EYA1: variants seen among roughly 807,000 people sequenced by gnomAD.
The protein encoded by EYA1 is protein phosphatase EYA1.
EYA1 carries 16 observed loss-of-function variants against 82.0 expected under a neutral mutation model. The observed-to-expected ratio is 0.20, with a 90% CI of 0.13 to 0.30. The LOEUF (loss-of-function observed/expected upper bound fraction) is 0.30, where lower values mean the gene tolerates loss of function less well. EYA1 is among the 10% of genes least tolerant of loss of function. The pLI is 1.00. For missense variants in EYA1, 633 were observed against 730.7 expected (o/e 0.87, Z 1.54); for synonymous variants, 261 against 264.4 (o/e 0.99, Z 0.12).
intron 2 of EYA1, among the ~76,000 whole-genome samples, chr8:71,394,280 A>C (rs1829453597): frequency 6.6e-6 from 1 of 152,170 alleles, no homozygotes; most frequent in Non-Finnish European, 1.5e-5. Context: ...TGCTGTGCAG[A>C]AGCTCTTTAG....
chr8:71,239,093 T>C (rs187196987), intron 12 of EYA1, among the ~76,000 whole-genome samples: 259 of 152,250 alleles, frequency 1.7e-3, no homozygotes, highest in Non-Finnish European at 1.9e-3. Context: ...ATGACAATCT[T>C]ATAAGAAATG....
intron 2 of EYA1, among the ~76,000 whole-genome samples, chr8:71,474,646 A>G (rs1425249668): frequency 6.6e-6 from 1 of 152,234 alleles, no homozygotes; most frequent in Non-Finnish European, 1.5e-5. Context: ...ATACTCTAGA[A>G]TATATAAAAT....
chr8:71,464,153 A>G (rs1808613617), intron 2 of EYA1, among the ~76,000 whole-genome samples: 1 of 152,108 alleles, frequency 6.6e-6, no homozygotes, highest in South Asian at 2.1e-4. Context: ...GCTCTCCCCG[A>G]GGACTGCATG....
chr8:71,444,818 C>T (rs1042561304), intron 2 of EYA1, among the ~76,000 whole-genome samples: 4 of 152,318 alleles, frequency 2.6e-5, no homozygotes, highest in East Asian at 1.9e-4. Flanking sequence ...GATTTCACTT[C>T]GTGGGAGGTA....
chr8:71,269,169 A>T (rs960114732), intron 11 of EYA1, among the ~76,000 whole-genome samples: 1 of 152,212 alleles, frequency 6.6e-6, no homozygotes, highest in Non-Finnish European at 1.5e-5. Flanking sequence ...GTGGTCTATA[A>T]TATTATTCTT....
chr8:71,225,771 G>C (rs1208210465), intron 12 of EYA1, among the ~76,000 whole-genome samples: 2 of 151,248 alleles, frequency 1.3e-5, no homozygotes, highest in African/African-American at 4.9e-5. Context: ...ATTTTCGAGA[G>C]GTGGCAATAA....
chr8:71,310,855 T>G (rs1821261269), intron 7 of EYA1, among the ~76,000 whole-genome samples: 1 of 152,128 alleles, frequency 6.6e-6, no homozygotes, highest in Non-Finnish European at 1.5e-5. Context: ...TTGTATATTT[T>G]AGACATAATA....
At chr8:71,339,965 T>C (rs547381130) in intron 3 of EYA1, among the ~76,000 whole-genome samples, 4 of 152,314 alleles carry the variant, frequency 2.6e-5, no homozygotes, top group Admixed American at 2.0e-4. Context: ...GGCCACACTC[T>C]ATAATTTCCA....
intron 2 of EYA1, among the ~76,000 whole-genome samples, chr8:71,421,116 T>C (rs1831125814): frequency 6.6e-6 from 1 of 152,202 alleles, no homozygotes; most frequent in Non-Finnish European, 1.5e-5. Context: ...TGGGGCTCTC[T>C]GAGCCTAGGA....
intron 12 of EYA1, among the ~76,000 whole-genome samples, chr8:71,225,631 C>T (rs1003112442): frequency 1.1e-4 from 17 of 151,876 alleles, no homozygotes; most frequent in East Asian, 1.9e-4. Flanking sequence ...TGGTGCCAAC[C>T]GATATTTTAA....
At chr8:71,241,075 T>C (rs1812430215) in intron 12 of EYA1, among the ~76,000 whole-genome samples, 1 of 152,218 alleles carries the variant, frequency 6.6e-6, no homozygotes. Flanking sequence ...AAGCCAGACG[T>C]ACACTACGGA....
chr8:71,395,889 T>C lies in EYA1; in HGVS notation c.34-39378A>G, dbSNP rs143923492. ...TGGTACCAGCTCCTGTTTGTACATGTGGTAGAATTCGGCTGTGAATCCATG... is the reference window on the plus strand; with the variant it reads ...TGGTACCAGCTCCTGTTTGTACATGCGGTAGAATTCGGCTGTGAATCCATG... On this transcript the variant is annotated intron_variant, in intron 2 of 18. Transcript: ENST00000643681. Among the ~76,000 whole-genome samples the C allele has an allele frequency of 2.0e-3, 302 of 152,302 alleles. 1 individual carries two copies. Among genetic ancestry groups the C allele is most frequent in the African/African-American group, 6.8e-3 (281 of 41,570 alleles).
intron 17 of EYA1, among the ~76,000 whole-genome samples, chr8:71,200,741 C>T (rs1052694391): frequency 5.3e-5 from 8 of 151,916 alleles, no homozygotes; most frequent in Admixed American, 2.6e-4. Flanking sequence ...GCTGCCTACC[C>T]TATTTTGAGT....
At chr8:71,299,868 A>C (rs1382326052) in intron 7 of EYA1, 148 bp from the exon 8 acceptor site, 7 of 635,836 alleles carry the variant, frequency 1.1e-5, no homozygotes, top group Non-Finnish European at 1.7e-5. Flanking sequence ...AGTTTTCTTA[A>C]CATAGTTGAT....
chr8:71,489,919 G>A (rs1003912158), intron 2 of EYA1, among the ~76,000 whole-genome samples: 2 of 152,188 alleles, frequency 1.3e-5, no homozygotes, highest in African/African-American at 4.8e-5. Flanking sequence ...AGTGCAGCCT[G>A]CCCAGCTGCT....
intron 2 of EYA1, among the ~76,000 whole-genome samples, chr8:71,432,351 G>T (rs550927486): frequency 1.7e-4 from 26 of 152,282 alleles, no homozygotes; most frequent in African/African-American, 6.0e-4. Context: ...AAAAGAAACG[G>T]TATATGACTA....
At chr8:71,207,887 T>C (rs4737311) in intron 17 of EYA1, among the ~76,000 whole-genome samples, 23,505 of 152,094 alleles carry the variant, frequency 0.15, 2,874 homozygotes, top group East Asian at 0.67. Flanking sequence ...AGAATAGTTT[T>C]GTACACCTTA....
chr8:71,523,351 T>G (rs1813579252), intron 2 of EYA1, among the ~76,000 whole-genome samples: 1 of 152,000 alleles, frequency 6.6e-6, no homozygotes, highest in African/African-American at 2.4e-5. Flanking sequence ...GCTAATTTTT[T>G]GTATGCTTAG....
upstream of EYA1, among the ~76,000 whole-genome samples, chr8:71,365,152 C>G (rs898765411): frequency 2.0e-5 from 3 of 151,360 alleles, no homozygotes; most frequent in Admixed American, 2.0e-4. Flanking sequence ...CATGAGTTAA[C>G]AGTTGATTAA....
Sources: gnomAD v4.1 joint callset for allele counts (sites outside exome capture counted in the v4.1 genomes callset) on GRCh38, gnomAD v4.1.1 for gene constraint, MANE v1.5 for transcripts, NCBI Gene and HGNC (gene_info 2026-07-23, HGNC 2026-07-21) for gene names.